CFI: variants seen among roughly 807,000 people sequenced by gnomAD.
The protein encoded by CFI is C3B/C4B inactivator.
Under a neutral mutation model 78.8 loss-of-function variants are expected in CFI, and 66 were observed. That is an observed-to-expected ratio of 0.84 (90% CI 0.69 to 1.03). The LOEUF (loss-of-function observed/expected upper bound fraction) is 1.03. Among genes scored for constraint, CFI ranks in the 50% least tolerant of loss-of-function variants. The pLI, the probability that CFI is intolerant of heterozygous loss-of-function variation, is 0.00. For missense variants in CFI, 706 were observed against 704.5 expected (o/e 1.00, Z -0.02); for synonymous variants, 250 against 232.6 (o/e 1.07, Z -0.68).
At chr4:109,790,212 A>G (rs1329314400) in intron 1 of CFI, among the ~76,000 whole-genome samples, 1 of 151,308 alleles carries the variant, frequency 6.6e-6, no homozygotes, top group Non-Finnish European at 1.5e-5. Flanking sequence ...TTTCTTTCTC[A>G]GTTTAGCTAA....
At chr4:109,783,392 A>G (rs1314136098) in intron 1 of CFI, among the ~76,000 whole-genome samples, 4 of 152,178 alleles carry the variant, frequency 2.6e-5, no homozygotes, top group Non-Finnish European at 5.9e-5. Context: ...TCAAAAGAAG[A>G]TATACAAATG....
chr4:109,780,413 C>G (rs1217027287), intron 1 of CFI, among the ~76,000 whole-genome samples: 1 of 152,062 alleles, frequency 6.6e-6, no homozygotes, highest in Non-Finnish European at 1.5e-5. Flanking sequence ...TCATCACTGG[C>G]CATCAGAGAA....
chr4:109,759,546 T>C (rs1726763506), intron 6 of CFI, among the ~76,000 whole-genome samples: 1 of 152,152 alleles, frequency 6.6e-6, no homozygotes, highest in African/African-American at 2.4e-5. Context: ...TATATATATA[T>C]AGTGTTTTTA....
chr4:109,762,942 G>C (rs1206000150), intron 3 of CFI, among the ~76,000 whole-genome samples: 1 of 152,158 alleles, frequency 6.6e-6, no homozygotes, highest in Non-Finnish European at 1.5e-5. Flanking sequence ...TCTACCAGTA[G>C]GTTGAACCAT....
At chr4:109,799,313 AG>A (rs1031966907) in intron 1 of CFI, among the ~76,000 whole-genome samples, 9 of 152,154 alleles carry the variant, frequency 5.9e-5, no homozygotes, top group Non-Finnish European at 1.3e-4. Context: ...CTGAGTTCTG[AG>A]CTAGGTGAAA....
At chr4:109,744,736 A>G (rs1724208872) in intron 11 of CFI, among the ~76,000 whole-genome samples, 1 of 152,196 alleles carries the variant, frequency 6.6e-6, no homozygotes, top group Non-Finnish European at 1.5e-5. Context: ...CCTTTTATAA[A>G]TAAATCTTCC....
Position 109,766,670 on chromosome 4 carries a change from C to T in CFI, c.212G>A (p.Gly71Asp). 1.9e-6 allele frequency: 3 copies of T among 1,614,152 alleles called. No individual in the cohort carries two copies. Among genetic ancestry groups the T allele is most frequent in the Non-Finnish European group, 2.5e-6 (3 of 1,180,030 alleles). The change falls in exon 2 of 13, where the codon GGC becomes GAC. Residue 71 changes from glycine to aspartate, a missense_variant. Physicochemically the swap from Gly to Asp is moderately conservative, Grantham distance 94 (BLOSUM62 -1). Coordinates refer to ENST00000394634, the MANE Select transcript of CFI (RefSeq NM_000204.5). ...CKLPYQCPKNGTAVCATNRRS... is the reference protein window; with the variant it reads ...CKLPYQCPKNDTAVCATNRRS... ...CCTGTTAGTTGCACACACTGCAGTG[C>T]CATTCTTTGGGCACTGATACGGTAG...
chr4:109,756,913 GAA>G (rs1358429671), intron 7 of CFI, among the ~76,000 whole-genome samples: 1 of 101,940 alleles, frequency 9.8e-6, no homozygotes, highest in Non-Finnish European at 2.1e-5. Flanking sequence ...AAGAAAGAAA[GAA>G]AGAAAGAAAG....
chr4:109,800,218 A>G (rs1373519667), intron 1 of CFI, among the ~76,000 whole-genome samples: 3 of 151,754 alleles, frequency 2.0e-5, no homozygotes, highest in African/African-American at 7.3e-5. Context: ...CTGAGTTTGT[A>G]ATAAAATTTT....
chr4:109,739,122 A>C (rs1458597508), downstream of CFI, among the ~76,000 whole-genome samples: 1 of 152,198 alleles, frequency 6.6e-6, no homozygotes, highest in African/African-American at 2.4e-5. Context: ...TTAAAAGAAA[A>C]TCTGGGCAGT....
intron 7 of CFI, among the ~76,000 whole-genome samples, chr4:109,757,471 T>C (rs1041216207): frequency 6.6e-6 from 1 of 152,296 alleles, no homozygotes; most frequent in South Asian, 2.1e-4. Context: ...CTTGAGGAGC[T>C]ACCTTGATTT....
chr4:109,792,738 C>T (rs1275678351), intron 1 of CFI, among the ~76,000 whole-genome samples: 5 of 152,000 alleles, frequency 3.3e-5, no homozygotes, highest in African/African-American at 1.2e-4. Context: ...TGTAATTTAT[C>T]TCTTGTAACG....
At chr4:109,744,061 C>G (rs1009343939) in intron 11 of CFI, among the ~76,000 whole-genome samples, 5 of 151,968 alleles carry the variant, frequency 3.3e-5, no homozygotes, top group South Asian at 2.1e-4. Flanking sequence ...ATTACCCATT[C>G]TCTTTAATGA....
chr4:109,764,230 A>G (rs1350254119), intron 3 of CFI: 4 of 418,546 alleles, frequency 9.6e-6, no homozygotes, highest in Non-Finnish European at 1.8e-5. Flanking sequence ...CTAAGTGTGA[A>G]AAAGTGTACA....
downstream of CFI, among the ~76,000 whole-genome samples, chr4:109,738,099 C>A (rs1020204554): frequency 1.4e-5 from 2 of 146,040 alleles, no homozygotes; most frequent in Non-Finnish European, 3.0e-5. Context: ...CCTTGTAGCA[C>A]TGGAGTACTT....
intron 1 of CFI, among the ~76,000 whole-genome samples, chr4:109,777,737 G>C (rs1214933467): frequency 6.6e-6 from 1 of 152,066 alleles, no homozygotes; most frequent in Non-Finnish European, 1.5e-5. Flanking sequence ...TGGAAGTAAA[G>C]CACTCCTCAG....
the CFI span, among the ~76,000 whole-genome samples, chr4:109,735,273 A>G: frequency 6.6e-6 from 1 of 152,166 alleles, no homozygotes; most frequent in Admixed American, 6.5e-5. Flanking sequence ...TATTTTCTAT[A>G]TAGAACTTCC....
Position 109,752,488 on chromosome 4 carries a change from A to C in CFI, c.920T>G (p.Leu307Trp). The change falls in exon 8 of 13, where the codon TTG becomes TGG. Residue 307 changes from leucine (L) to tryptophan (W), a missense_variant. By Grantham distance (61) the Leu-to-Trp change is moderately conservative (BLOSUM62 -2). Coordinates refer to ENST00000394634, the MANE Select transcript of CFI (RefSeq NM_000204.5). ...CTTACCTGCATCCATGTCAGCAGTC[A>C]AAATTTCTGTTTCTTCTATGATAAA... ...ASVTQEETEI[L>W]TADMDAERRR... 6.2e-7 allele frequency: 1 copy of C among 1,613,322 alleles called. No individual in the cohort carries two copies. Among genetic ancestry groups the C allele is most frequent in the Admixed American group, 1.7e-5 (1 of 59,990 alleles).
chr4:109,736,838 G>C (rs929341615), downstream of CFI, among the ~76,000 whole-genome samples: 4 of 151,992 alleles, frequency 2.6e-5, no homozygotes, highest in African/African-American at 9.7e-5. Context: ...CCTTCACTGG[G>C]CTTCCTTAGA....
Sources: allele counts gnomAD v4.1 joint callset (sites outside exome capture counted in the v4.1 genomes callset), GRCh38; gene constraint gnomAD v4.1.1; transcripts MANE v1.5; gene names NCBI Gene and HGNC (gene_info 2026-07-23, HGNC 2026-07-21).